Variants in RBFOX1 observed in about 807,000 individuals in gnomAD.
RBFOX1 encodes the protein RNA binding fox-1 homolog 1, also known as RNA binding protein fox-1 homolog 1.
RBFOX1 carries 8 observed loss-of-function variants against 57.7 expected under a neutral mutation model. The ratio of observed to expected loss-of-function variants is 0.14; its 90% confidence interval spans 0.08 to 0.25. The LOEUF (loss-of-function observed/expected upper bound fraction) is 0.25, where lower values mean the gene tolerates loss of function less well. Among genes scored for constraint, RBFOX1 ranks in the 10% least tolerant of loss-of-function variants. The pLI, the probability that RBFOX1 is intolerant of heterozygous loss-of-function variation, is 1.00. For missense variants in RBFOX1, 611 were observed against 548.5 expected, an observed-to-expected ratio of 1.11 and a Z score of -1.14; for synonymous variants, 326 against 222.4, an observed-to-expected ratio of 1.47 and a Z score of -4.15.
intron 2 of RBFOX1, among the ~76,000 whole-genome samples, chr16:6,466,370 C>G (rs568059332): frequency 6.6e-6 from 1 of 152,186 alleles, no homozygotes; most frequent in Admixed American, 6.5e-5. Flanking sequence ...GTGCGAGGTA[C>G]TTTCCCATAT....
chr16:7,421,475 T>C (rs1395156404), intron 4 of RBFOX1, among the ~76,000 whole-genome samples: 1 of 152,234 alleles, frequency 6.6e-6, no homozygotes, highest in Non-Finnish European at 1.5e-5. Flanking sequence ...TTTGGTGAGA[T>C]TAGCTTTGGC....
At chr16:7,514,967 A>C (rs557346417) in intron 4 of RBFOX1, among the ~76,000 whole-genome samples, 1 of 152,104 alleles carries the variant, frequency 6.6e-6, no homozygotes, top group East Asian at 1.9e-4. Context: ...CATTGTCTGT[A>C]CCACTGCTTA....
Position 7,607,267 on chromosome 16 carries a change from T to C in RBFOX1, c.623-18T>C, listed in dbSNP as rs2095316470. On this transcript the variant is annotated intron_variant, in intron 9 of 15. Coordinates refer to ENST00000550418, the MANE Select transcript of RBFOX1 (RefSeq NM_018723.4). ...TGAATCAAATGTGATAATAATGTTT[T>C]TGTGTATTTGTTTTAAGGCTGGAAA... 6 of 1,602,606 alleles carry C rather than the reference T, an allele frequency of 3.7e-6. No individual in the cohort carries two copies. In the East Asian group the frequency reaches 1.1e-4, roughly 30 times the overall value.
At chr16:7,674,547 G>A (rs1195070918) in intron 13 of RBFOX1, among the ~76,000 whole-genome samples, 1 of 152,132 alleles carries the variant, frequency 6.6e-6, no homozygotes, top group Non-Finnish European at 1.5e-5. Context: ...CTGGAATCAG[G>A]AATGCTCACA....
chr16:6,872,646 T>A (rs764418557), intron 3 of RBFOX1, among the ~76,000 whole-genome samples: 3 of 152,200 alleles, frequency 2.0e-5, no homozygotes, highest in Non-Finnish European at 4.4e-5. Context: ...TGGCAACGGT[T>A]AAAGTAGAAT....
chr16:5,254,735 C>A (rs1052211465), intron 1 of RBFOX1, among the ~76,000 whole-genome samples: 3 of 152,108 alleles, frequency 2.0e-5, no homozygotes, highest in African/African-American at 7.2e-5. Flanking sequence ...GATTGAAGGA[C>A]AGTGTTGGAA....
At chr16:7,360,265 A>G (rs2097296523) in intron 4 of RBFOX1, among the ~76,000 whole-genome samples, 1 of 152,192 alleles carries the variant, frequency 6.6e-6, no homozygotes, top group African/African-American at 2.4e-5. Context: ...CCAATAGCCT[A>G]GAATTCTTAG....
intron 2 of RBFOX1, among the ~76,000 whole-genome samples, chr16:6,531,073 G>C (rs2096651221): frequency 6.6e-6 from 1 of 152,180 alleles, no homozygotes; most frequent in Admixed American, 6.5e-5. Flanking sequence ...CCCAAGCTCA[G>C]CTATTTCTAC....
chr16:7,352,861 G>A (rs533314717), intron 4 of RBFOX1, among the ~76,000 whole-genome samples: 2 of 152,174 alleles, frequency 1.3e-5, no homozygotes, highest in South Asian at 4.2e-4. Flanking sequence ...GACTACAGGA[G>A]CATGCCACCA....
At chr16:5,914,933 T>G (rs974660945) in intron 4 of RBFOX1, among the ~76,000 whole-genome samples, 2 of 151,992 alleles carry the variant, frequency 1.3e-5, no homozygotes, top group Non-Finnish European at 2.9e-5. Flanking sequence ...AAAGAGAGTC[T>G]ATGACAAAGG....
intron 4 of RBFOX1, among the ~76,000 whole-genome samples, chr16:7,061,769 C>T (rs192897721): frequency 6.6e-6 from 1 of 152,144 alleles, no homozygotes; most frequent in African/African-American, 2.4e-5. Context: ...TTTGTCATAG[C>T]TACTCTTCAT....
At chr16:7,312,053 G>A (rs545539825) in intron 4 of RBFOX1, among the ~76,000 whole-genome samples, 2 of 152,312 alleles carry the variant, frequency 1.3e-5, no homozygotes, top group South Asian at 4.1e-4. Flanking sequence ...AGTGCCTGGG[G>A]TGCAGTGAGC....
chr16:6,865,168 A>G (rs930468074), intron 3 of RBFOX1, among the ~76,000 whole-genome samples: 3 of 151,578 alleles, frequency 2.0e-5, no homozygotes, highest in Admixed American at 6.6e-5. Context: ...ACTCCTGGGT[A>G]ATTTTTGTAC....
intron 14 of RBFOX1, among the ~76,000 whole-genome samples, chr16:7,687,569 T>A (rs2076329054): frequency 6.6e-6 from 1 of 152,130 alleles, no homozygotes; most frequent in African/African-American, 2.4e-5. Context: ...ATGTTTAATA[T>A]TCAGAAAACA....
At chr16:7,279,853 C>A (rs979243629) in intron 4 of RBFOX1, among the ~76,000 whole-genome samples, 1 of 152,174 alleles carries the variant, frequency 6.6e-6, no homozygotes, top group Admixed American at 6.5e-5. Context: ...AAAGAGCCAG[C>A]CCTCAAGGAC....
At chr16:7,378,226 A>T (rs547786316) in intron 4 of RBFOX1, among the ~76,000 whole-genome samples, 3 of 152,150 alleles carry the variant, frequency 2.0e-5, no homozygotes, top group East Asian at 1.9e-4. Flanking sequence ...ATGAGTGTGT[A>T]CACAAACCAT....
intron 2 of RBFOX1, among the ~76,000 whole-genome samples, chr16:6,353,806 C>T (rs889981135): frequency 6.6e-6 from 1 of 152,156 alleles, no homozygotes; most frequent in Non-Finnish European, 1.5e-5. Context: ...ATTGGAGTGC[C>T]CCTGTCTCTT....
intron 4 of RBFOX1, among the ~76,000 whole-genome samples, chr16:7,125,916 C>G (rs922476668): frequency 3.3e-5 from 5 of 152,108 alleles, no homozygotes; most frequent in African/African-American, 1.2e-4. Flanking sequence ...AACTCCATCT[C>G]TACTAAAAAT....
intron 2 of RBFOX1, among the ~76,000 whole-genome samples, chr16:5,525,325 C>G (rs1270745288): frequency 1.3e-5 from 2 of 151,694 alleles, no homozygotes; most frequent in African/African-American, 2.4e-5. Context: ...TTATAGGAAC[C>G]CTTCCTCTTG....
Sources: gnomAD v4.1 joint callset for allele counts (sites outside exome capture counted in the v4.1 genomes callset) on GRCh38, gnomAD v4.1.1 for gene constraint, MANE v1.5 for transcripts, NCBI Gene and HGNC (gene_info 2026-07-23, HGNC 2026-07-21) for gene names.